The following RABGAP1L variants were observed in gnomAD, a reference collection of about 807,000 sequenced individuals.
RABGAP1L encodes the protein rab GTPase-activating protein 1-like.
In RABGAP1L, 63 loss-of-function variants were observed where a neutral mutation model predicts 137.7. The observed-to-expected ratio is 0.46, with a 90% confidence interval of 0.37 to 0.56. The LOEUF (loss-of-function observed/expected upper bound fraction) is 0.56. Among genes scored for constraint, RABGAP1L ranks in the 20% least tolerant of loss-of-function variants. The pLI is 0.00. For missense variants in RABGAP1L, 1,095 were observed against 1,244.0 expected (o/e 0.88, Z 1.80); for synonymous variants, 431 against 433.7 (o/e 0.99, Z 0.08).
intron 19 of RABGAP1L, among the ~76,000 whole-genome samples, chr1:174,900,007 G>A (rs1292628689): frequency 6.6e-6 from 1 of 152,144 alleles, no homozygotes; most frequent in Non-Finnish European, 1.5e-5. Flanking sequence ...CAGAATTATG[G>A]TTAATGAGTA....
At chr1:174,393,867 G>GC (rs1440123110) in intron 12 of RABGAP1L, 128 bp from the exon 13 acceptor site, 88 of 952,806 alleles carry the variant, frequency 9.2e-5, no homozygotes, top group Middle Eastern at 5.1e-4. Context: ...ATTGTTTAAT[G>GC]CCCCCCCACA....
At chr1:174,332,385 T>TTTATTTAC (rs945514311) in intron 11 of RABGAP1L, among the ~76,000 whole-genome samples, 3 of 79,774 alleles carry the variant, frequency 3.8e-5, no homozygotes, top group African/African-American at 1.9e-4. Flanking sequence ...TAAATTTTTA[T>TTTATTTAC]TTATTTATTT....
chr1:174,195,545 C>T (rs1667510792), intron 1 of RABGAP1L, among the ~76,000 whole-genome samples: 1 of 151,412 alleles, frequency 6.6e-6, no homozygotes, highest in Non-Finnish European at 1.5e-5. Context: ...TGTTATGATA[C>T]TAGTAACTTT....
At chr1:174,459,879 A>G (rs1656474487) in intron 13 of RABGAP1L, among the ~76,000 whole-genome samples, 1 of 151,864 alleles carries the variant, frequency 6.6e-6, no homozygotes, top group Non-Finnish European at 1.5e-5. Flanking sequence ...GTTTTCCCAA[A>G]CAAATGAATA....
At chr1:174,735,410 G>A (rs1186890095) in intron 17 of RABGAP1L, among the ~76,000 whole-genome samples, 1 of 151,648 alleles carries the variant, frequency 6.6e-6, no homozygotes, top group Non-Finnish European at 1.5e-5. Context: ...TCTTAAAGAT[G>A]TATAAACAGG....
At chr1:174,665,428 C>T (rs897716042) in intron 14 of RABGAP1L, among the ~76,000 whole-genome samples, 3 of 131,464 alleles carry the variant, frequency 2.3e-5, no homozygotes, top group African/African-American at 8.3e-5. Flanking sequence ...TGCCTCGCCT[C>T]GCCCCGCCCC....
At chr1:174,871,888 G>T (rs1486899521) in intron 19 of RABGAP1L, among the ~76,000 whole-genome samples, 1 of 152,070 alleles carries the variant, frequency 6.6e-6, no homozygotes, top group Non-Finnish European at 1.5e-5. Context: ...AACAAATATC[G>T]GTGAATGCTT....
intron 7 of RABGAP1L, among the ~76,000 whole-genome samples, chr1:174,262,658 C>G (rs987037123): frequency 6.6e-6 from 1 of 152,184 alleles, no homozygotes; most frequent in Admixed American, 6.5e-5. Context: ...CAGTATACTT[C>G]TATAATATAA....
At chr1:174,691,082 C>A (rs1214514669) in intron 15 of RABGAP1L, among the ~76,000 whole-genome samples, 1 of 152,026 alleles carries the variant, frequency 6.6e-6, no homozygotes, top group Non-Finnish European at 1.5e-5. Flanking sequence ...TCACACACAG[C>A]CTCCCAAAGT....
intron 7 of RABGAP1L, among the ~76,000 whole-genome samples, chr1:174,262,290 C>T (rs967779678): frequency 2.0e-5 from 3 of 152,026 alleles, no homozygotes; most frequent in East Asian, 3.9e-4. Context: ...TGGGGAGAGG[C>T]GGCATCATGG....
chr1:174,450,550 T>C (rs996920057), intron 13 of RABGAP1L, among the ~76,000 whole-genome samples: 15 of 152,182 alleles, frequency 9.9e-5, no homozygotes, highest in African/African-American at 3.4e-4. Flanking sequence ...GAATATAATA[T>C]ACTTAATTAT....
intron 13 of RABGAP1L, among the ~76,000 whole-genome samples, chr1:174,474,912 AT>A (rs200189720): frequency 0.035 from 5,263 of 152,064 alleles, 117 homozygotes; most frequent in Middle Eastern, 0.088. Flanking sequence ...TCTGATTCTT[AT>A]TTCTGTCATC....
rs955438259 is a variant in RABGAP1L at position 174,760,459 on chromosome 1, G to A, written c.2211+8105G>A. 6.6e-5 allele frequency among the ~76,000 whole-genome samples: 10 copies of A among 152,144 alleles called. No homozygotes were observed. In the East Asian group the frequency reaches 1.3e-3, roughly 20 times the overall value. ...TTTCTGTTCTGTGTTAGTTTGCTTC[G>A]GATGATGGCCTCCAGCTGCATCCAT... is the stretch of plus-strand genomic sequence containing the variant. On this transcript the variant is annotated intron_variant, in intron 18 of 25. Coordinates refer to ENST00000681986, the MANE Select transcript of RABGAP1L (RefSeq NM_001366446.1).
At chr1:174,681,455 C>T (rs1481203453) in intron 14 of RABGAP1L, among the ~76,000 whole-genome samples, 2 of 152,126 alleles carry the variant, frequency 1.3e-5, no homozygotes, top group East Asian at 3.8e-4. Context: ...CAAAAGACTA[C>T]GTATTATATG....
At chr1:174,842,114 G>A (rs960846617) in intron 19 of RABGAP1L, among the ~76,000 whole-genome samples, 4 of 152,146 alleles carry the variant, frequency 2.6e-5, no homozygotes, top group Admixed American at 2.6e-4. Flanking sequence ...TAGGTATATA[G>A]TTTGTTCATA....
At chr1:174,500,119 G>A (rs1205986690) in intron 13 of RABGAP1L, among the ~76,000 whole-genome samples, 1 of 148,344 alleles carries the variant, frequency 6.7e-6, no homozygotes, top group East Asian at 2.0e-4. Context: ...TGCTCTTGTA[G>A]CCCAGGCTAG....
chr1:174,287,061 G>A (rs1373906700), intron 10 of RABGAP1L, among the ~76,000 whole-genome samples: 3 of 152,038 alleles, frequency 2.0e-5, no homozygotes, highest in East Asian at 1.9e-4. Flanking sequence ...TTTCTATAGT[G>A]TTGTTCAAAT....
Position 174,601,074 on chromosome 1 carries a change from C to A in RABGAP1L, c.1711-36301C>A, listed in dbSNP as rs192241349. 2.2e-3 allele frequency among the ~76,000 whole-genome samples: 337 copies of A among 152,322 alleles called. 3 individuals are homozygous for A. Among genetic ancestry groups the A allele is most frequent in the African/African-American group, 7.7e-3 (319 of 41,568 alleles). ...TTTGGTGCACCCGCAGGCTCAACAC[C>A]ACATGGAAGCTGCCAAGGTTTGGAG... On this transcript the variant is annotated intron_variant, in intron 13 of 25. Coordinates refer to ENST00000681986, the MANE Select transcript of RABGAP1L (RefSeq NM_001366446.1).
At chr1:174,508,630 G>T (rs1662049444) in intron 13 of RABGAP1L, among the ~76,000 whole-genome samples, 1 of 152,140 alleles carries the variant, frequency 6.6e-6, no homozygotes, top group African/African-American at 2.4e-5. Context: ...TCTCCTGGAA[G>T]TGCTAGAGAA....
Sources: gnomAD v4.1 joint callset for allele counts (sites outside exome capture counted in the v4.1 genomes callset) on GRCh38, gnomAD v4.1.1 for gene constraint, MANE v1.5 for transcripts, NCBI Gene and HGNC (gene_info 2026-07-23, HGNC 2026-07-21) for gene names.